Variants in SPRY3 observed in about 807,000 individuals in gnomAD.
The protein encoded by SPRY3 is protein sprouty homolog 3.
In SPRY3, 15 loss-of-function variants were observed where a neutral mutation model predicts 20.2. That is an observed-to-expected ratio of 0.74 (90% CI 0.50 to 1.14). SPRY3 has a LOEUF of 1.14. Ranked by LOEUF, SPRY3 falls within the 50% of genes most tolerant of loss-of-function variation. SPRY3 has a pLI of 0.00. For synonymous variants in SPRY3, 143 were observed against 136.5 expected, an observed-to-expected ratio of 1.05 and a Z score of -0.33; for missense variants, 364 against 363.9, an observed-to-expected ratio of 1.00 and a Z score of 0.00.
intron 2 of SPRY3, among the ~76,000 whole-genome samples, chrX:155,708,586 A>G (rs1219919075): frequency 6.6e-6 from 1 of 151,262 alleles, no homozygotes; most frequent in Non-Finnish European, 1.5e-5. Flanking sequence ...TTTTGCTTCA[A>G]TCTTTCTTCA....
intron 2 of SPRY3, among the ~76,000 whole-genome samples, chrX:155,736,193 A>G (rs1423990155): frequency 6.6e-6 from 1 of 151,978 alleles, no homozygotes; most frequent in African/African-American, 2.4e-5. Context: ...TATTATTTTG[A>G]ACAAACTTTT....
At chrX:155,700,724 C>G (rs2068134942) in intron 2 of SPRY3, among the ~76,000 whole-genome samples, 1 of 69,362 alleles carries the variant, frequency 1.4e-5, no homozygotes, top group Non-Finnish European at 2.5e-5. Flanking sequence ...AATGTGTCAT[C>G]TAGCATTAGG....
At chrX:155,773,722 T>C in intron 3 of SPRY3, 44 bp from the exon 3 acceptor site, 1 of 875,640 alleles carries the variant, frequency 1.1e-6, no homozygotes, top group South Asian at 1.7e-5. Flanking sequence ...AAAGTACTTA[T>C]GCCTGTGTGT....
chrX:155,711,193 A>T (rs2090983784), intron 2 of SPRY3, among the ~76,000 whole-genome samples: 1 of 151,798 alleles, frequency 6.6e-6, no homozygotes. Flanking sequence ...GTTTAGAAGT[A>T]TTCCCTCTTT....
At chrX:155,643,718 A>C (rs1228074989) in intron 1 of SPRY3, among the ~76,000 whole-genome samples, 1 of 112,210 alleles carries the variant, frequency 8.9e-6, no homozygotes, top group Admixed American at 9.5e-5. Flanking sequence ...CATTGTTTGC[A>C]TAAACAAAAA....
chrX:155,634,077 CA>C (rs782158546), intron 1 of SPRY3, among the ~76,000 whole-genome samples: 1,346 of 96,549 alleles, frequency 0.014, 15 homozygotes, highest in African/African-American at 0.039. Flanking sequence ...GAGACTCCAT[CA>C]AAAAAAAAAA....
intron 2 of SPRY3, among the ~76,000 whole-genome samples, chrX:155,765,284 G>A (rs2091320524): frequency 8.6e-6 from 1 of 116,826 alleles, no homozygotes; most frequent in South Asian, 2.5e-4. Context: ...TACAAGCTCT[G>A]GAGTGAGACA....
intron 2 of SPRY3, among the ~76,000 whole-genome samples, chrX:155,764,967 C>T (rs948364332): frequency 2.6e-5 from 4 of 152,104 alleles, no homozygotes; most frequent in African/African-American, 4.8e-5. Context: ...TGGGGGAGTC[C>T]GACTTCCTCA....
chrX:155,639,310 A>G (rs1018322832), intron 1 of SPRY3, among the ~76,000 whole-genome samples: 2 of 112,430 alleles, frequency 1.8e-5, no homozygotes, highest in South Asian at 3.7e-4. Context: ...TAATAAATGC[A>G]TCAAACACTT....
chrX:155,662,682 CAAAAAAAAA>C (rs34216827), intron 2 of SPRY3, among the ~76,000 whole-genome samples: 1 of 58,225 alleles, frequency 1.7e-5, no homozygotes, highest in Admixed American at 2.4e-4. Flanking sequence ...TGTAGTTTGG[CAAAAAAAAA>C]AAAAAAAAAA....
At chrX:155,726,835 T>C (rs1055507855) in intron 2 of SPRY3, among the ~76,000 whole-genome samples, 4 of 152,190 alleles carry the variant, frequency 2.6e-5, no homozygotes, top group African/African-American at 9.7e-5. Context: ...AGGTTAATAT[T>C]GTTATGTGTG....
chrX:155,617,047 A>G (rs1015732465), intron 1 of SPRY3, among the ~76,000 whole-genome samples: 2 of 106,784 alleles, frequency 1.9e-5, no homozygotes, highest in Non-Finnish European at 3.9e-5. Flanking sequence ...TAATTCTTGC[A>G]TGCTGGTTCC....
At chrX:155,698,519 C>A (rs1418726613) in intron 2 of SPRY3, among the ~76,000 whole-genome samples, 2 of 111,688 alleles carry the variant, frequency 1.8e-5, no homozygotes, top group Non-Finnish European at 3.8e-5. Context: ...GCCATCAATT[C>A]CCAGGGAAGA....
intron 2 of SPRY3, among the ~76,000 whole-genome samples, chrX:155,734,409 G>A (rs1293361317): frequency 2.0e-5 from 3 of 151,988 alleles, no homozygotes; most frequent in Non-Finnish European, 2.9e-5. Flanking sequence ...TCATATATGA[G>A]TGCAGTTTGT....
intron 1 of SPRY3, among the ~76,000 whole-genome samples, chrX:155,654,549 C>T (rs1410288699): frequency 9.0e-6 from 1 of 110,773 alleles, no homozygotes; most frequent in African/African-American, 3.3e-5. Context: ...TTTTTACTTC[C>T]CACTTACAAG....
intron 2 of SPRY3, among the ~76,000 whole-genome samples, chrX:155,693,196 A>C (rs1218316813): frequency 4.5e-5 from 5 of 110,995 alleles, no homozygotes; most frequent in Non-Finnish European, 7.5e-5. Flanking sequence ...CATTCATCTC[A>C]AAATATTATC....
At chrX:155,624,316 T>C (rs959971594) in intron 1 of SPRY3, among the ~76,000 whole-genome samples, 1 of 111,974 alleles carries the variant, frequency 8.9e-6, no homozygotes, top group Non-Finnish European at 1.9e-5. Flanking sequence ...ATACACCAGG[T>C]AACCTGAGCA....
chrX:155,714,142 T>A (rs1367459162), intron 2 of SPRY3, among the ~76,000 whole-genome samples: 1 of 152,218 alleles, frequency 6.6e-6, no homozygotes, highest in Non-Finnish European at 1.5e-5. Context: ...TTAAAACAGC[T>A]ATTTTGAATT....
At chrX:155,679,888 C>T (rs969963925) in intron 2 of SPRY3, among the ~76,000 whole-genome samples, 3 of 109,640 alleles carry the variant, frequency 2.7e-5, no homozygotes, top group African/African-American at 6.7e-5. Flanking sequence ...AGACGGTAGG[C>T]GAAGAGAGGG....
Sources: gnomAD v4.1 joint callset for allele counts (sites outside exome capture counted in the v4.1 genomes callset) on GRCh38, gnomAD v4.1.1 for gene constraint, MANE v1.5 for transcripts, NCBI Gene and HGNC (gene_info 2026-07-23, HGNC 2026-07-21) for gene names.